PTPRD: variants seen among roughly 807,000 people sequenced by gnomAD.
PTPRD encodes the protein protein tyrosine phosphatase receptor type D.
PTPRD carries 34 observed loss-of-function variants against 214.5 expected under a neutral mutation model. The observed-to-expected ratio is 0.16, with a 90% CI of 0.12 to 0.21. The LOEUF (loss-of-function observed/expected upper bound fraction) is 0.21, where lower values mean the gene tolerates loss of function less well. Among genes scored for constraint, PTPRD ranks in the 10% least tolerant of loss-of-function variants. PTPRD has a pLI of 1.00. For synonymous variants in PTPRD, 1,128 were observed against 845.7 expected (o/e 1.33, Z -5.79); for missense variants, 2,545 against 2,398.7 (o/e 1.06, Z -1.27).
intron 11 of PTPRD, among the ~76,000 whole-genome samples, chr9:9,011,664 A>G (rs970691652): frequency 6.6e-6 from 1 of 152,174 alleles, no homozygotes; most frequent in African/African-American, 2.4e-5. Flanking sequence ...TTAGTAAACT[A>G]GTATAATGAT....
At chr9:9,794,929 A>G (rs2098992575) in intron 5 of PTPRD, among the ~76,000 whole-genome samples, 1 of 152,230 alleles carries the variant, frequency 6.6e-6, no homozygotes, top group African/African-American at 2.4e-5. Context: ...AAGATGCTGC[A>G]ATCATCTAAA....
chr9:8,376,249 G>C (rs1444995233), intron 38 of PTPRD, among the ~76,000 whole-genome samples, 159 bp from the exon 39 acceptor site: 1 of 152,050 alleles, frequency 6.6e-6, no homozygotes, highest in East Asian at 1.9e-4. Context: ...GAAACCCCAA[G>C]CTATTTGTAA....
intron 9 of PTPRD, among the ~76,000 whole-genome samples, chr9:9,205,219 T>A (rs977057913): frequency 6.6e-6 from 1 of 152,190 alleles, no homozygotes; most frequent in Non-Finnish European, 1.5e-5. Flanking sequence ...TCAAGTGAAT[T>A]CCCATCAAGT....
intron 5 of PTPRD, among the ~76,000 whole-genome samples, chr9:9,789,800 A>C (rs1273094903): frequency 6.9e-6 from 1 of 145,714 alleles, no homozygotes; most frequent in South Asian, 2.2e-4. Flanking sequence ...CTGTCTCAAA[A>C]AAAAAAAAAA....
At chr9:9,784,853 A>T (rs966377045) in intron 5 of PTPRD, among the ~76,000 whole-genome samples, 24 of 146,754 alleles carry the variant, frequency 1.6e-4, no homozygotes, top group African/African-American at 5.5e-4. Flanking sequence ...ATAATGTATT[A>T]TATATTATAT....
At chr9:9,726,537 A>G (rs1024653926) in intron 7 of PTPRD, among the ~76,000 whole-genome samples, 11 of 152,150 alleles carry the variant, frequency 7.2e-5, no homozygotes, top group African/African-American at 2.7e-4. Flanking sequence ...GATTTTTTAA[A>G]CCATTTTAGT....
intron 11 of PTPRD, among the ~76,000 whole-genome samples, chr9:8,780,964 C>T (rs1486824527): frequency 2.0e-5 from 3 of 152,162 alleles, no homozygotes; most frequent in East Asian, 3.9e-4. Context: ...ATAAATTAAC[C>T]TGCTCCAGTG....
chr9:9,286,118 A>C (rs976363181), intron 9 of PTPRD, among the ~76,000 whole-genome samples: 2 of 151,780 alleles, frequency 1.3e-5, no homozygotes, highest in Non-Finnish European at 2.9e-5. Flanking sequence ...GACAACCCGG[A>C]TATTCTATCC....
At chr9:9,110,216 C>A (rs1273177199) in intron 10 of PTPRD, among the ~76,000 whole-genome samples, 1 of 152,088 alleles carries the variant, frequency 6.6e-6, no homozygotes, top group Non-Finnish European at 1.5e-5. Context: ...CTCTCCATTT[C>A]ACTTACTTTT....
chr9:10,437,483 T>C (rs940447705), intron 2 of PTPRD, among the ~76,000 whole-genome samples: 7 of 151,836 alleles, frequency 4.6e-5, no homozygotes, highest in African/African-American at 1.7e-4. Context: ...AATCCAAAAA[T>C]TAATGTGGCT....
At chr9:9,093,290 A>C (rs1404842153) in intron 10 of PTPRD, among the ~76,000 whole-genome samples, 3 of 152,096 alleles carry the variant, frequency 2.0e-5, no homozygotes, top group Non-Finnish European at 4.4e-5. Flanking sequence ...ACTGAAAATC[A>C]GTAATGACAC....
intron 11 of PTPRD, among the ~76,000 whole-genome samples, chr9:8,895,549 T>A (rs567370069): frequency 1.3e-5 from 2 of 152,184 alleles, no homozygotes; most frequent in Non-Finnish European, 2.9e-5. Context: ...CAACTCACTA[T>A]GAATAAATAA....
chr9:8,345,339 C>G (rs1260984314), intron 39 of PTPRD, among the ~76,000 whole-genome samples: 1 of 152,090 alleles, frequency 6.6e-6, no homozygotes, highest in Non-Finnish European at 1.5e-5. Flanking sequence ...AATGCAGGTT[C>G]TGAGGTGTTA....
chr9:8,380,166 C>A (rs1011472072), intron 37 of PTPRD, among the ~76,000 whole-genome samples: 1 of 152,056 alleles, frequency 6.6e-6, no homozygotes, highest in Non-Finnish European at 1.5e-5. Flanking sequence ...TCAGCAGATA[C>A]TGATTTAGGA....
intron 2 of PTPRD, among the ~76,000 whole-genome samples, chr9:10,466,749 T>C (rs1432804395): frequency 6.6e-6 from 1 of 151,076 alleles, no homozygotes; most frequent in African/African-American, 2.4e-5. Context: ...TCACATAAAG[T>C]TTAAAAAATG....
chr9:8,879,229 C>T (rs941185189), intron 11 of PTPRD, among the ~76,000 whole-genome samples: 3 of 152,106 alleles, frequency 2.0e-5, no homozygotes, highest in Non-Finnish European at 4.4e-5. Flanking sequence ...GTGATCGAGA[C>T]ACTGATGGGA....
chr9:8,927,685 T>C (rs1287961061), intron 11 of PTPRD, among the ~76,000 whole-genome samples: 3 of 152,334 alleles, frequency 2.0e-5, no homozygotes, highest in South Asian at 4.1e-4. Context: ...CATGTGTCTT[T>C]ATAGCAGAAT....
At chr9:10,213,470 T>C (rs1380101121) in intron 3 of PTPRD, among the ~76,000 whole-genome samples, 1 of 152,042 alleles carries the variant, frequency 6.6e-6, no homozygotes, top group East Asian at 1.9e-4. Flanking sequence ...GCAGAGGACT[T>C]CAGGTCCTAA....
chr9:8,984,744 C>T (rs912839186), intron 11 of PTPRD, among the ~76,000 whole-genome samples: 1 of 151,924 alleles, frequency 6.6e-6, no homozygotes, highest in African/African-American at 2.4e-5. Context: ...ATGTAGTAGC[C>T]CAGTATTTAT....
Sources: gnomAD v4.1 joint callset for allele counts (sites outside exome capture counted in the v4.1 genomes callset) on GRCh38, gnomAD v4.1.1 for gene constraint, MANE v1.5 for transcripts, NCBI Gene and HGNC (gene_info 2026-07-23, HGNC 2026-07-21) for gene names.